MED13L: variants seen among roughly 807,000 people sequenced by gnomAD.
MED13L encodes mediator complex subunit 13L.
A neutral mutation model predicts 220.9 loss-of-function variants in MED13L; 7 were observed. The observed-to-expected ratio is 0.03, with a 90% CI of 0.02 to 0.06. The LOEUF (loss-of-function observed/expected upper bound fraction) is 0.06. Among genes scored for constraint, MED13L ranks in the 10% least tolerant of loss-of-function variants. MED13L has a pLI of 1.00. For synonymous variants in MED13L, 1,011 were observed against 1,015.2 expected, an observed-to-expected ratio of 1.00 and a Z score of 0.08; for missense variants, 1,965 against 2,760.5, an observed-to-expected ratio of 0.71 and a Z score of 6.46.
chr12:116,178,827 G>C (rs775259832), intron 2 of MED13L, among the ~76,000 whole-genome samples: 1 of 152,164 alleles, frequency 6.6e-6, no homozygotes, highest in Non-Finnish European at 1.5e-5. Flanking sequence ...TGACTGCTTA[G>C]AGTCTGCAAG....
intron 2 of MED13L, among the ~76,000 whole-genome samples, chr12:116,153,413 CCA>C (rs1878202497): frequency 6.6e-6 from 1 of 152,174 alleles, no homozygotes; most frequent in Admixed American, 6.6e-5. Flanking sequence ...CTGATAGCTA[CCA>C]CAAGTCTCTA....
chr12:116,276,856 T>C, intron 1 of MED13L: 1 of 1,010,938 alleles, frequency 9.9e-7, no homozygotes, highest in Non-Finnish European at 1.4e-6. Flanking sequence ...AAATGATTTT[T>C]AAAGAGCCAA....
At chr12:116,250,825 T>G (rs998410603) in intron 1 of MED13L, among the ~76,000 whole-genome samples, 2 of 151,500 alleles carry the variant, frequency 1.3e-5, no homozygotes, top group Non-Finnish European at 2.9e-5. Context: ...TTAAATTTCT[T>G]TAAAGGCTTA....
intron 2 of MED13L, among the ~76,000 whole-genome samples, chr12:116,187,944 C>A (rs1299965665): frequency 6.6e-6 from 1 of 150,694 alleles, no homozygotes; most frequent in Non-Finnish European, 1.5e-5. Flanking sequence ...TTGAACACAG[C>A]AAGAAGGTAG....
chr12:116,031,730 GAAAAGAAAAGAAAA>G (rs1880806436), intron 4 of MED13L, among the ~76,000 whole-genome samples: 1 of 65,406 alleles, frequency 1.5e-5, no homozygotes, highest in African/African-American at 7.9e-5. Flanking sequence ...GAAAAGAAAA[GAAAAGAAAAGAAAA>G]GAAAAGAAAA....
chr12:116,148,051 CAAAAAAAAAA>C (rs10678970), intron 2 of MED13L, among the ~76,000 whole-genome samples: 2 of 18,138 alleles, frequency 1.1e-4, no homozygotes, highest in African/African-American at 2.4e-4. Context: ...GACCCCATCT[CAAAAAAAAAA>C]AAAAAAAAAA....
rs1219540859 is a variant in MED13L, at chr12:116,042,703, A to G, written c.480-20102T>C. Among the ~76,000 whole-genome samples, 5 of 152,242 alleles carry G rather than the reference A, an allele frequency of 3.3e-5. No individual in the cohort carries two copies. The East Asian group carries it at 9.6e-4, about 29-fold the overall frequency. On this transcript the variant is annotated intron_variant, in intron 4 of 30. Coordinates refer to ENST00000281928, the MANE Select transcript of MED13L (RefSeq NM_015335.5). ...ACATTTTGTTTATAAAAGCAGCAATATAACAGAGGTGAATAAACACACATT... is the reference window on the plus strand; with the variant it reads ...ACATTTTGTTTATAAAAGCAGCAATGTAACAGAGGTGAATAAACACACATT...
intron 10 of MED13L, chr12:116,008,102 A>G (rs182128236): frequency 2.5e-6 from 1 of 405,384 alleles, no homozygotes; most frequent in Admixed American, 4.1e-5. Context: ...AGCAGTATGG[A>G]AAGTCTTATA....
chr12:115,999,823 C>T (rs990687074), intron 14 of MED13L, among the ~76,000 whole-genome samples: 4 of 152,130 alleles, frequency 2.6e-5, no homozygotes, highest in Non-Finnish European at 5.9e-5. Context: ...AAAGCCTCAG[C>T]CACCCTGTTA....
intron 4 of MED13L, among the ~76,000 whole-genome samples, chr12:116,059,121 G>A (rs1869227631): frequency 6.6e-6 from 1 of 152,178 alleles, no homozygotes; most frequent in African/African-American, 2.4e-5. Context: ...AGGATGGCGT[G>A]CAGTCACGCG....
chr12:116,024,618 G>A (rs903584899), intron 4 of MED13L, among the ~76,000 whole-genome samples: 1 of 152,034 alleles, frequency 6.6e-6, no homozygotes, highest in Non-Finnish European at 1.5e-5. Flanking sequence ...CTGTGCAGAA[G>A]CTTTTTACTT....
chr12:116,033,747 A>AGTGT (rs78671683), intron 4 of MED13L, among the ~76,000 whole-genome samples: 18,893 of 151,238 alleles, frequency 0.12, 1,446 homozygotes, highest in South Asian at 0.18. Context: ...ATGAATCATG[A>AGTGT]GTGTGTGTGT....
Position 116,249,143 on chromosome 12 carries a change from C to T in MED13L, c.73-11438G>A, listed in dbSNP as rs1177345651. Among the ~76,000 whole-genome samples, 4 of 152,296 alleles carry T rather than the reference C, an allele frequency of 2.6e-5. No homozygotes were observed. In the East Asian group the frequency reaches 7.7e-4, roughly 29 times the overall value. ...CAGAGAACTACTGGGAGCTATCACTCCAAGAGTTCACCTAAAGCTGGGAGG... is the reference window on the plus strand; with the variant it reads ...CAGAGAACTACTGGGAGCTATCACTTCAAGAGTTCACCTAAAGCTGGGAGG... On this transcript the variant is annotated intron_variant, in intron 1 of 30. Coordinates refer to ENST00000281928, the MANE Select transcript of MED13L (RefSeq NM_015335.5).
chr12:116,074,346 G>C (rs1162253343), intron 4 of MED13L, among the ~76,000 whole-genome samples: 2 of 152,206 alleles, frequency 1.3e-5, no homozygotes, highest in African/African-American at 2.4e-5. Context: ...AGTAAGCCAA[G>C]ATCTTGCCAC....
chr12:116,276,973 G>A (rs1873909848), intron 1 of MED13L, 87 bp downstream of exon 1: 7 of 1,398,702 alleles, frequency 5.0e-6, no homozygotes, highest in African/African-American at 1.4e-5. Flanking sequence ...AGTCCCGGCG[G>A]CGGGAGGAGA....
chr12:116,266,236 G>C (rs562268567), intron 1 of MED13L, among the ~76,000 whole-genome samples: 4 of 152,138 alleles, frequency 2.6e-5, no homozygotes, highest in Admixed American at 2.6e-4. Flanking sequence ...TTTAGCAAAC[G>C]TAATAGCCAG....
At chr12:116,214,360 G>T (rs2138364946) in intron 2 of MED13L, among the ~76,000 whole-genome samples, 1 of 152,136 alleles carries the variant, frequency 6.6e-6, no homozygotes, top group South Asian at 2.1e-4. Flanking sequence ...CTCAGTTCTT[G>T]AAGTCAAGAG....
chr12:116,251,804 A>G (rs1593212474), intron 1 of MED13L, among the ~76,000 whole-genome samples: 1 of 151,874 alleles, frequency 6.6e-6, no homozygotes, highest in South Asian at 2.1e-4. Context: ...CCTACAAGAA[A>G]TGCACCTTAC....
At chr12:115,990,695 C>A (rs1877998846) in intron 17 of MED13L, among the ~76,000 whole-genome samples, 2 of 152,184 alleles carry the variant, frequency 1.3e-5, no homozygotes. Context: ...TTTAAGCATG[C>A]AAGAGTGTGC....
Sources: gnomAD v4.1 joint callset for allele counts (sites outside exome capture counted in the v4.1 genomes callset) on GRCh38, gnomAD v4.1.1 for gene constraint, MANE v1.5 for transcripts, NCBI Gene and HGNC (gene_info 2026-07-23, HGNC 2026-07-21) for gene names.